The following IL16 variants were observed in gnomAD, a reference collection of about 807,000 sequenced individuals.
IL16 encodes interleukin 16, also known as pro-interleukin-16.
IL16 carries 67 observed loss-of-function variants against 110.1 expected under a neutral mutation model. That is an observed-to-expected ratio of 0.61 (90% confidence interval 0.50 to 0.75). The LOEUF (loss-of-function observed/expected upper bound fraction) is 0.75. Among genes scored for constraint, IL16 ranks in the 30% least tolerant of loss-of-function variants. The pLI is 0.00. For missense variants in IL16, 1,545 were observed against 1,655.0 expected (o/e 0.93, Z 1.15); for synonymous variants, 689 against 662.9 (o/e 1.04, Z -0.61).
intron 5 of IL16, 76 bp from the exon 6 acceptor site, chr15:81,273,014 G>C: frequency 1.7e-6 from 2 of 1,146,720 alleles, no homozygotes; most frequent in Middle Eastern, 4.1e-4. Context: ...GGCTGAGGCA[G>C]GCCCTCAGAA....
chr15:81,205,174 C>T (rs1171723607), intron 1 of IL16, among the ~76,000 whole-genome samples: 2 of 151,828 alleles, frequency 1.3e-5, no homozygotes, highest in Non-Finnish European at 2.9e-5. Flanking sequence ...GGCATAGTGG[C>T]ACGTGCCTGT....
At position 81,247,076 on chromosome 15, in the gene IL16, C is replaced by CTTTTTTTTTTTTTTTTTTT. The variant is rs57484982; in HGVS notation, c.313-12694_313-12676dup. 1.1e-4 allele frequency among the ~76,000 whole-genome samples: 10 copies of CTTTTTTTTTTTTTTTTTTT among 92,638 alleles called. 3 individuals are homozygous for CTTTTTTTTTTTTTTTTTTT. Among genetic ancestry groups the CTTTTTTTTTTTTTTTTTTT allele is most frequent in the African/African-American group, 1.9e-4 (4 of 20,758 alleles). 60.8% of individuals were successfully genotyped at this position (92,638 alleles called of 152,430 possible). On this transcript the variant is annotated intron_variant, in intron 2 of 18. Transcript: ENST00000683961. Reference sequence around the variant, plus strand: ...TTTGTGTTTTCTTTCTTTTCTTTTCCTTTTTTTTTTTTTTTTTTTTGATCT... The same window carrying CTTTTTTTTTTTTTTTTTTT: ...TTTGTGTTTTCTTTCTTTTCTTTTCCTTTTTTTTTTTTTTTTTTTTTTTTTTTTTTTTTTTTTTTGATCT...
chr15:81,187,126 G>A (rs992656570), intron 1 of IL16, among the ~76,000 whole-genome samples: 1 of 152,168 alleles, frequency 6.6e-6, no homozygotes, highest in African/African-American at 2.4e-5. Context: ...TTACACTGGC[G>A]AACCTTCCAG....
At chr15:81,257,513 G>A (rs1897990160) in intron 2 of IL16, among the ~76,000 whole-genome samples, 1 of 152,202 alleles carries the variant, frequency 6.6e-6, no homozygotes, top group South Asian at 2.1e-4. Context: ...AGATTGGATT[G>A]AGGGAAGGGC....
chr15:81,289,296 G>A (rs1057123766), intron 10 of IL16, among the ~76,000 whole-genome samples: 2 of 152,006 alleles, frequency 1.3e-5, no homozygotes, highest in African/African-American at 4.8e-5. Context: ...CCACTGCACA[G>A]GCTAATTTTT....
In IL16 at chr15:81,295,102, C is replaced by T. The variant is rs547568538; in HGVS notation, c.1903-1826C>T. ...CCCTCTTATAAAAAATCAGCCTAAACTCTCCCCCGTGCTTTAAAAAACTTG... is the reference window on the plus strand; with the variant it reads ...CCCTCTTATAAAAAATCAGCCTAAATTCTCCCCCGTGCTTTAAAAAACTTG... On this transcript the variant is annotated intron_variant, in intron 12 of 18. Coordinates refer to ENST00000683961, the MANE Select transcript of IL16 (RefSeq NM_172217.5). Among the ~76,000 whole-genome samples, 7 of 152,250 alleles carry T rather than the reference C, an allele frequency of 4.6e-5. No homozygotes were observed. The South Asian group carries it at 1.5e-3, about 32-fold the overall frequency.
chr15:81,295,277 G>A lies in IL16; in HGVS notation c.1903-1651G>A, dbSNP rs1041145031. 4.0e-6 allele frequency: 3 copies of A among 756,160 alleles called. No homozygotes were observed. In the African/African-American group the frequency reaches 5.6e-5, roughly 14 times the overall value. The allele number at this position is 756,160 out of a possible 1,614,324, so 46.8% of individuals were successfully genotyped here. On this transcript the variant is annotated intron_variant, in intron 12 of 18. Transcript: ENST00000683961. ...TCTCCCTCCCTCATCCACCAAGCAT[G>A]GTTCCAGGAAACACTAGTAAGAGAA...
intron 6 of IL16, among the ~76,000 whole-genome samples, chr15:81,277,178 G>A (rs1898950001): frequency 6.6e-6 from 1 of 152,122 alleles, no homozygotes; most frequent in Admixed American, 6.5e-5. Flanking sequence ...TATCCAGTAG[G>A]CCACGCAGAT....
chr15:81,269,548 G>A lies in IL16; in HGVS notation c.575G>A (p.Arg192Lys), dbSNP rs767679250. ...CPAGKAAGTS[R>K]PTRSLSTAQL... ...GGTTCCTTGTTGCAGGGAACTTCGA[G>A]ACCAACACGGTCCCTGAGCACAGCT... Residue 192 changes from arginine to lysine, a missense_variant, in exon 5 of 19, where the codon AGA (arginine) becomes AAA (lysine). By Grantham distance (26) the Arg-to-Lys change is conservative. This residue lies in a region of IL16 where 1,185 missense variants were observed against 1,238.8 expected (regional missense o/e 0.96). Transcript: ENST00000683961. 1 of 1,613,748 alleles carries A rather than the reference G, an allele frequency of 6.2e-7. No individual in the cohort carries two copies. Among genetic ancestry groups the A allele is most frequent in the Admixed American group, 1.7e-5 (1 of 59,988 alleles).
rs34522610 is a variant in IL16 at position 81,303,015 on chromosome 15, A to ATGTGTGTG, written c.3319-512_3319-505dup. On this transcript the variant is annotated intron_variant, in intron 15 of 18. Transcript: ENST00000683961. This position sits in a 1 kb window ranked among gnomAD's most constrained non-coding sequence, Gnocchi z 4.1. Reference sequence around the variant, plus strand: ...GTCTAGGCTAGGAAGTACCGTAGTAATGTGTGTGTGTGTGTGTGTGTGTGT... The same window carrying ATGTGTGTG: ...GTCTAGGCTAGGAAGTACCGTAGTAATGTGTGTGTGTGTGTGTGTGTGTGTGTGTGTGT... Among the ~76,000 whole-genome samples, 6,269 of 150,080 alleles carry ATGTGTGTG rather than the reference A, an allele frequency of 0.042. 332 individuals are homozygous for ATGTGTGTG. The highest frequency in any genetic ancestry group is 0.13 in the African/African-American group (5,082 of 40,626).
At chr15:81,203,919 G>T (rs1450937210) in intron 1 of IL16, among the ~76,000 whole-genome samples, 1 of 152,042 alleles carries the variant, frequency 6.6e-6, no homozygotes, top group Non-Finnish European at 1.5e-5. Context: ...GGGCAGTATG[G>T]CCATTTTCAC....
At position 81,300,160 on chromosome 15, in the gene IL16, T is replaced by G; in HGVS notation, c.2834T>G (p.Leu945Arg). ...PPGPDPLLRL[L>R]STQAEESQGP... ...GGCCCGGACCCGCTCCTAAGGCTGC[T>G]GTCAACACAGGCTGAGGAATCTCAA... Residue 945 changes from leucine to arginine, a missense_variant, in exon 14 of 19, where the codon CTG (leucine) becomes CGG (arginine). This residue lies in a region of IL16 where 1,185 missense variants were observed against 1,238.8 expected (regional missense o/e 0.96). Transcript: ENST00000683961. 1 of 1,613,960 alleles carries G rather than the reference T, an allele frequency of 6.2e-7. No individual in the cohort carries two copies. The highest frequency in any genetic ancestry group is 8.5e-7 in the Non-Finnish European group (1 of 1,179,902).
chr15:81,242,668 GT>G (rs1897376319), intron 2 of IL16, among the ~76,000 whole-genome samples: 1 of 152,152 alleles, frequency 6.6e-6, no homozygotes, highest in Admixed American at 6.5e-5. Context: ...AACAAGGACA[GT>G]TTTATTTCTT....
chr15:81,204,766 AAAAAG>A (rs1006996741), intron 1 of IL16, among the ~76,000 whole-genome samples: 1 of 113,674 alleles, frequency 8.8e-6, no homozygotes, highest in Non-Finnish European at 1.8e-5. Flanking sequence ...AAAAAAGAAA[AAAAAG>A]AAAATTTGGA....
rs953004856 is a variant in IL16 at position 81,299,614 on chromosome 15, C to T, written c.2288C>T (p.Thr763Ile). 4 of 1,614,100 alleles carry T rather than the reference C, an allele frequency of 2.5e-6. No homozygotes were observed. The highest frequency in any genetic ancestry group is 3.3e-5 in the Admixed American group (2 of 60,010). The part of the protein sequence containing the change: ...HPDGTPPKLD[T>I]ANGTPKVYKS... ...GATGGGACCCCACCAAAGCTGGACA[C>T]CGCCAATGGCACTCCCAAAGTTTAC... Residue 763 changes from threonine (T) to isoleucine (I), a missense_variant, in exon 14 of 19, where the codon ACC becomes ATC. Around this residue, in one of 3 missense-constraint regions of IL16, gnomAD observed 1,185 missense variants for 1,238.8 expected, o/e 0.96. Transcript: ENST00000683961.
At chr15:81,269,249 G>A (rs929474686) in intron 4 of IL16, among the ~76,000 whole-genome samples, 4 of 152,236 alleles carry the variant, frequency 2.6e-5, no homozygotes, top group Non-Finnish European at 4.4e-5. Flanking sequence ...TGGAGGCAGC[G>A]TGTTCTGTGA....
At chr15:81,188,595 A>G (rs1279480333) in intron 1 of IL16, among the ~76,000 whole-genome samples, 2 of 152,152 alleles carry the variant, frequency 1.3e-5, no homozygotes, top group Admixed American at 6.5e-5. Context: ...GCTCTTTTCA[A>G]TGCAAACCCC....
Position 81,225,316 on chromosome 15 carries a change from G to A in IL16, c.-84G>A. 6.4e-7 allele frequency: 1 copy of A among 1,551,974 alleles called. No individual in the cohort carries two copies. The highest frequency in any genetic ancestry group is 8.7e-7 in the Non-Finnish European group (1 of 1,153,556). Reference sequence around the variant, plus strand: ...TCCTCTAGGGACTCATGAAGTGGCAGCTAAGCCCTGTCCAGTGGCCACCCG... The same window carrying A: ...TCCTCTAGGGACTCATGAAGTGGCAACTAAGCCCTGTCCAGTGGCCACCCG... On this transcript the variant is annotated 5_prime_UTR_variant, in exon 2 of 19. Coordinates refer to ENST00000683961, the MANE Select transcript of IL16 (RefSeq NM_172217.5).
At chr15:81,298,323 G>A (rs17875508) in intron 13 of IL16, among the ~76,000 whole-genome samples, 2,112 of 152,278 alleles carry the variant, frequency 0.014, 42 homozygotes, top group African/African-American at 0.048. Flanking sequence ...TCCTTCAACT[G>A]GGTTGCGTTC....
Sources: allele counts gnomAD v4.1 joint callset (sites outside exome capture counted in the v4.1 genomes callset), GRCh38; gene constraint gnomAD v4.1.1; regional missense constraint gnomAD v4.1.1; non-coding constraint Gnocchi (gnomAD v3.1); transcripts MANE v1.5; gene names NCBI Gene and HGNC (gene_info 2026-07-23, HGNC 2026-07-21).